Variants in CECR2 observed in about 807,000 individuals in gnomAD.
CECR2 encodes the protein CECR2 histone acetyl-lysine reader.
A neutral mutation model predicts 154.5 loss-of-function variants in CECR2; 30 were observed. That is an observed-to-expected ratio of 0.19 (90% confidence interval 0.15 to 0.26). CECR2 has a LOEUF of 0.26. Ranked by LOEUF, CECR2 falls within the 10% of genes least tolerant of loss-of-function variation. CECR2 has a pLI of 1.00. For synonymous variants in CECR2, 725 were observed against 683.7 expected (o/e 1.06, Z -0.94); for missense variants, 1,743 against 1,829.3 (o/e 0.95, Z 0.86).
At chr22:17,423,544 C>A (rs553455551) in intron 1 of CECR2, among the ~76,000 whole-genome samples, 1 of 152,134 alleles carries the variant, frequency 6.6e-6, no homozygotes, top group African/African-American at 2.4e-5. Flanking sequence ...GTGCTCTGGC[C>A]TGTTTCAGAA....
In CECR2 at chr22:17,404,364, CTTTCTTTTTTTTTTT is replaced by C. The variant is rs1449500674; in HGVS notation, c.126+34459_126+34473del. Reference sequence around the variant, plus strand: ...TGTGGGTTCATTTCTGGACCCTGTTCTTTCTTTTTTTTTTTTTTTTTTTTTTTGAGACGGAGTCTC... The same window carrying C: ...TGTGGGTTCATTTCTGGACCCTGTTCTTTTTTTTTTTTGAGACGGAGTCTC... On this transcript the variant is annotated intron_variant, in intron 1 of 18. Transcript: ENST00000262608. Among the ~76,000 whole-genome samples, 6 of 59,606 alleles carry C rather than the reference CTTTCTTTTTTTTTTT, an allele frequency of 1.0e-4. 3 individuals carry two copies. The highest frequency in any genetic ancestry group is 4.5e-4 in the African/African-American group (6 of 13,296). 39.1% of individuals were successfully genotyped at this position (59,606 alleles called of 152,430 possible).
intron 1 of CECR2, among the ~76,000 whole-genome samples, chr22:17,459,246 G>GA (rs1327185661): frequency 1.3e-5 from 2 of 152,086 alleles, no homozygotes; most frequent in Non-Finnish European, 2.9e-5. Context: ...TTATATTTTA[G>GA]AAAAAAGATC....
intron 1 of CECR2, among the ~76,000 whole-genome samples, chr22:17,410,797 T>C (rs1404286963): frequency 1.3e-5 from 2 of 152,228 alleles, no homozygotes; most frequent in African/African-American, 4.8e-5. Context: ...ATTCACTTGG[T>C]GGTTGTCTCT....
intron 5 of CECR2, among the ~76,000 whole-genome samples, chr22:17,501,218 A>G (rs951433053): frequency 2.6e-5 from 4 of 152,188 alleles, no homozygotes; most frequent in Non-Finnish European, 5.9e-5. Flanking sequence ...AAATTCTGAT[A>G]ACTCAGGACA....
At chr22:17,366,827 T>C (rs2063004332), upstream of CECR2, among the ~76,000 whole-genome samples, 1 of 152,180 alleles carries the variant, frequency 6.6e-6, no homozygotes, top group Admixed American at 6.5e-5. Context: ...TGAGATTTAC[T>C]GTTGATTCCA....
At chr22:17,529,975 G>T (rs2056328582) in intron 9 of CECR2, among the ~76,000 whole-genome samples, 5 of 152,148 alleles carry the variant, frequency 3.3e-5, no homozygotes, top group Admixed American at 3.3e-4. Flanking sequence ...AACAAGCTTT[G>T]TGTGACATTC....
At chr22:17,521,026 C>A (rs174308) in intron 8 of CECR2, among the ~76,000 whole-genome samples, 152,302 of 152,302 alleles carry the variant, frequency 1, 76,151 homozygotes, top group Non-Finnish European at 1. Context: ...ACTGTCTTCC[C>A]CAATGGTTGA....
At position 17,542,762 on chromosome 22, in the gene CECR2, G is replaced by A; in HGVS notation, c.2619G>A (p.Val873=). Residue 873 remains valine, a synonymous_variant, in exon 16 of 19, where the codon GTG becomes GTA. Coordinates refer to ENST00000262608, the MANE Select transcript of CECR2 (RefSeq NM_001290047.2). ...CACCTGCCCAGGCTCTTCGGGGGGT[G>A]CAGGGAGGGGACTCCATGATGGACA... is the stretch of plus-strand genomic sequence containing the variant. ...FGAPAQALRG[V]QGGDSMMDSP... 2 of 1,614,000 alleles carry A rather than the reference G, an allele frequency of 1.2e-6. No individual in the cohort carries two copies. Among genetic ancestry groups the A allele is most frequent in the Non-Finnish European group, 1.7e-6 (2 of 1,179,886 alleles).
chr22:17,480,333 GGT>G (rs1345114130), intron 2 of CECR2, among the ~76,000 whole-genome samples: 1 of 151,252 alleles, frequency 6.6e-6, no homozygotes, highest in East Asian at 1.9e-4. Flanking sequence ...AACCACTACT[GGT>G]GTGTTTAGCT....
chr22:17,373,396 T>TA (rs5844305), intron 1 of CECR2, among the ~76,000 whole-genome samples: 4,618 of 151,604 alleles, frequency 0.03, 241 homozygotes, highest in African/African-American at 0.11. Context: ...GTAAAAATAC[T>TA]AAAAAAAAAT....
At chr22:17,465,965 C>T (rs1354090041) in intron 1 of CECR2, among the ~76,000 whole-genome samples, 2 of 152,170 alleles carry the variant, frequency 1.3e-5, no homozygotes, top group Non-Finnish European at 2.9e-5. Context: ...ATTGAATCCT[C>T]AGAGCATTTA....
upstream of CECR2, among the ~76,000 whole-genome samples, chr22:17,366,220 C>T (rs1206326101): frequency 6.6e-6 from 1 of 152,084 alleles, no homozygotes; most frequent in South Asian, 2.1e-4. Flanking sequence ...GATTGAGTCT[C>T]ACTCTGTCGC....
intron 1 of CECR2, among the ~76,000 whole-genome samples, chr22:17,376,548 G>C (rs1189675776): frequency 6.6e-6 from 1 of 152,172 alleles, no homozygotes; most frequent in Non-Finnish European, 1.5e-5. Flanking sequence ...AGGTGGTTTA[G>C]GTAAAAATGT....
At chr22:17,380,117 C>G (rs1464879634) in intron 1 of CECR2, among the ~76,000 whole-genome samples, 1 of 151,820 alleles carries the variant, frequency 6.6e-6, no homozygotes, top group Non-Finnish European at 1.5e-5. Flanking sequence ...AGGGTTTGTT[C>G]TGGGCATCAG....
chr22:17,392,685 G>T (rs1464758323), intron 1 of CECR2, among the ~76,000 whole-genome samples: 1 of 140,038 alleles, frequency 7.1e-6, no homozygotes, highest in Admixed American at 7.1e-5. Flanking sequence ...TTGTCTCAAA[G>T]AAAAAAAAAA....
rs185687309 is a variant in CECR2, at chr22:17,519,894, G to A, written c.955-4224G>A. Among the ~76,000 whole-genome samples, 406 of 150,938 alleles carry A rather than the reference G, an allele frequency of 2.7e-3. 2 individuals are homozygous for A. Among genetic ancestry groups the A allele is most frequent in the African/African-American group, 6.3e-3 (259 of 41,138 alleles). The stretch of plus-strand genomic sequence containing the variant: ...CAACCTCCGCCTCCCAGGTTCAAGC[G>A]ATTTTCCTGCCTCAGCCCCCCAAGT... On this transcript the variant is annotated intron_variant, in intron 8 of 18. Transcript: ENST00000262608.
Position 17,555,639 on chromosome 22 carries a change from G to A in CECR2, c.*2799G>A, listed in dbSNP as rs982880056. 6.6e-6 allele frequency: 1 copy of A among 152,186 alleles called. No individual in the cohort carries two copies. The highest frequency in any genetic ancestry group is 1.5e-5 in the Non-Finnish European group (1 of 68,030). 9.4% of individuals were successfully genotyped at this position (152,186 alleles called of 1,614,324 possible). On this transcript the variant is annotated 3_prime_UTR_variant, in exon 19 of 19. Coordinates refer to ENST00000262608, the MANE Select transcript of CECR2 (RefSeq NM_001290047.2). ...TCTTAAGCAGATGCAATGTCTTAAA[G>A]CAGATGCAAATGCATTTGCCATCTT...
intron 1 of CECR2, among the ~76,000 whole-genome samples, chr22:17,449,066 A>T (rs1240635433): frequency 6.6e-6 from 1 of 151,838 alleles, no homozygotes; most frequent in Non-Finnish European, 1.5e-5. Context: ...TTTAGTAGAG[A>T]TGGGGTTTCA....
At chr22:17,536,597 A>G (rs1386616529) in intron 9 of CECR2, among the ~76,000 whole-genome samples, 1 of 152,214 alleles carries the variant, frequency 6.6e-6, no homozygotes, top group Non-Finnish European at 1.5e-5. Flanking sequence ...CATTGCTTGC[A>G]TGGATGCCTT....
Sources: allele counts gnomAD v4.1 joint callset (sites outside exome capture counted in the v4.1 genomes callset), GRCh38; gene constraint gnomAD v4.1.1; transcripts MANE v1.5; gene names NCBI Gene and HGNC (gene_info 2026-07-23, HGNC 2026-07-21).